Variants in UGCG observed in about 807,000 individuals in gnomAD.
UGCG encodes the protein ceramide glucosyltransferase.
In UGCG, 10 loss-of-function variants were observed where a neutral mutation model predicts 49.5. That is an observed-to-expected ratio of 0.20 (90% CI 0.12 to 0.34). The LOEUF is 0.34. UGCG is among the 10% of genes least tolerant of loss of function. UGCG has a pLI of 1.00. For missense variants in UGCG, 312 were observed against 483.7 expected, an observed-to-expected ratio of 0.65 and a Z score of 3.33; for synonymous variants, 182 against 158.2, an observed-to-expected ratio of 1.15 and a Z score of -1.13.
intron 2 of UGCG, among the ~76,000 whole-genome samples, chr9:111,915,537 C>T (rs1838095140): frequency 6.6e-6 from 1 of 152,212 alleles, no homozygotes; most frequent in African/African-American, 2.4e-5. Flanking sequence ...CTTCTACCCA[C>T]TTGACTTTCA....
intron 1 of UGCG, 89 bp downstream of exon 1, chr9:111,897,402 A>G: frequency 1.9e-6 from 2 of 1,071,742 alleles, no homozygotes; most frequent in Non-Finnish European, 1.3e-6. Context: ...TTTGAAGGGG[A>G]CTGGGCTCGG....
chr9:111,914,748 T>C lies in UGCG; in HGVS notation c.240+2T>C. ...TTCTTTGAATTGGATTATCCCAAAG[T>C]AAGTTCAGTGTTACGGTTTTTTGTT... On this transcript the variant is annotated splice_donor_variant, in intron 2 of 8. Coordinates refer to ENST00000374279, the MANE Select transcript of UGCG (RefSeq NM_003358.3). LOFTEE classifies it high-confidence loss of function. 6.2e-7 allele frequency: 1 copy of C among 1,607,012 alleles called. No individual in the cohort carries two copies.
In UGCG at chr9:111,931,362, A is replaced by G; in HGVS notation, c.824+5A>G. The G allele has an allele frequency of 6.2e-7, 1 of 1,613,094 alleles. No individual in the cohort carries two copies. Among genetic ancestry groups the G allele is most frequent in the Non-Finnish European group, 8.5e-7 (1 of 1,179,828 alleles). On this transcript the variant is annotated splice_donor_5th_base_variant and intron_variant, in intron 7 of 8. Coordinates refer to ENST00000374279, the MANE Select transcript of UGCG (RefSeq NM_003358.3). ...GTTTCAATCCAGAATGATCAGGTAA[A>G]TCAACTGTTTTCTTTTTATACTTCG...
chr9:111,908,961 C>G (rs1435598229), intron 1 of UGCG, among the ~76,000 whole-genome samples: 2 of 152,198 alleles, frequency 1.3e-5, no homozygotes, highest in African/African-American at 4.8e-5. Flanking sequence ...CTCTGTCACC[C>G]AGGCTGGAGT....
intron 1 of UGCG, among the ~76,000 whole-genome samples, chr9:111,901,578 T>C (rs1209192037): frequency 6.6e-6 from 1 of 152,120 alleles, no homozygotes; most frequent in Non-Finnish European, 1.5e-5. Flanking sequence ...AGTTAATAGA[T>C]ACTGGGCTTA....
intron 3 of UGCG, among the ~76,000 whole-genome samples, chr9:111,923,872 C>G (rs1838272545): frequency 1.3e-5 from 2 of 152,150 alleles, no homozygotes; most frequent in Admixed American, 1.3e-4. Context: ...CTCAGGTGAT[C>G]CACCTGCCTC....
rs1016034901 is a variant in UGCG at position 111,926,431 on chromosome 9, G to A, written c.493G>A (p.Val165Ile). ...TDMVNQMTEK[V>I]GLVHGLPYVA... is the part of the protein sequence containing the mutation. ...CATGGTGAATCAAATGACAGAAAAA[G>A]TAGGCTTGGTTCACGGGCTGCCTTA... The change falls in exon 5 of 9, where the codon GTA becomes ATA. Residue 165 changes from valine (V) to isoleucine (I), a missense_variant. Around this residue, in one of 4 missense-constraint regions of UGCG, gnomAD observed 180 missense variants for 320.4 expected, o/e 0.56. Coordinates refer to ENST00000374279, the MANE Select transcript of UGCG (RefSeq NM_003358.3). 6.2e-7 allele frequency: 1 copy of A among 1,610,994 alleles called. No homozygotes were observed. The highest frequency in any genetic ancestry group is 8.5e-7 in the Non-Finnish European group (1 of 1,177,970).
At chr9:111,903,141 C>A (rs552363033) in intron 1 of UGCG, among the ~76,000 whole-genome samples, 1 of 152,184 alleles carries the variant, frequency 6.6e-6, no homozygotes, top group African/African-American at 2.4e-5. Flanking sequence ...GGCTGCTTCC[C>A]GCCATCTGAA....
intron 1 of UGCG, among the ~76,000 whole-genome samples, chr9:111,913,708 G>A (rs1278997672): frequency 6.6e-6 from 1 of 151,656 alleles, no homozygotes; most frequent in African/African-American, 2.4e-5. Context: ...CCAAAGTGCT[G>A]GGATTACACA....
At chr9:111,907,988 C>T (rs77181995) in intron 1 of UGCG, among the ~76,000 whole-genome samples, 6 of 151,230 alleles carry the variant, frequency 4.0e-5, no homozygotes, top group Non-Finnish European at 8.8e-5. Flanking sequence ...CCAGTATCTT[C>T]AAAACTGTTG....
chr9:111,934,469 C>G lies in UGCG; in HGVS notation c.*1472C>G, dbSNP rs1307855861. On this transcript the variant is annotated 3_prime_UTR_variant, in exon 9 of 9. Transcript: ENST00000374279. ...GATGGCATGTTGTCCACAGGAATGC[C>G]TACTGCAGGGCTAACACTGGCAATA... 5 of 152,102 alleles carry G rather than the reference C, an allele frequency of 3.3e-5. No individual in the cohort carries two copies. The highest frequency in any genetic ancestry group is 9.7e-5 in the African/African-American group (4 of 41,402). 9.4% of individuals were successfully genotyped at this position (152,102 alleles called of 1,614,324 possible). A position where few individuals can be genotyped will look rare whatever the true frequency, so the allele number is the denominator to read the frequency against.
At position 111,912,038 on chromosome 9, in the gene UGCG, A is replaced by ATATATATATATG. The variant is rs1838020360; in HGVS notation, c.99-2556_99-2555insGTATATATATAT. 1.4e-5 allele frequency among the ~76,000 whole-genome samples: 2 copies of ATATATATATATG among 140,834 alleles called. 1 individual carries two copies. Among genetic ancestry groups the ATATATATATATG allele is most frequent in the African/African-American group, 5.2e-5 (2 of 38,178 alleles). The allele number at this position is 140,834 out of a possible 152,430, so 92.4% of individuals were successfully genotyped here. ...TATATATATTCAACAGGATATATAT[A>ATATATATATATG]TATATATATATATATCCTGTTGAAT... On this transcript the variant is annotated intron_variant, in intron 1 of 8. Coordinates refer to ENST00000374279, the MANE Select transcript of UGCG (RefSeq NM_003358.3).
intron 2 of UGCG, among the ~76,000 whole-genome samples, chr9:111,919,794 C>CAAAA (rs61089422): frequency 2.0e-4 from 15 of 76,308 alleles, no homozygotes; most frequent in Non-Finnish European, 3.0e-4. Flanking sequence ...GACTCCATCT[C>CAAAA]AAAAAAAAAA....
chr9:111,906,950 C>T (rs760143367), intron 1 of UGCG, among the ~76,000 whole-genome samples: 4 of 152,246 alleles, frequency 2.6e-5, no homozygotes, highest in Middle Eastern at 6.8e-3. Flanking sequence ...TGTGAAGTCA[C>T]GAAGAATTTA....
intron 1 of UGCG, among the ~76,000 whole-genome samples, chr9:111,905,471 T>TG (rs1000653603): frequency 5.9e-5 from 9 of 151,642 alleles, no homozygotes; most frequent in African/African-American, 1.2e-4. Flanking sequence ...TTTTTTTTTT[T>TG]TGAGAGGGAG....
At chr9:111,908,470 A>G (rs1207237925) in intron 1 of UGCG, among the ~76,000 whole-genome samples, 9 of 152,194 alleles carry the variant, frequency 5.9e-5, no homozygotes, top group Admixed American at 1.3e-4. Context: ...TTCTGCTAAT[A>G]CTGTTTTTTG....
Position 111,932,186 on chromosome 9 carries a change from A to G in UGCG, c.841A>G (p.Ile281Val). 1 of 1,614,076 alleles carries G rather than the reference A, an allele frequency of 6.2e-7. No homozygotes were observed. The highest frequency in any genetic ancestry group is 8.5e-7 in the Non-Finnish European group (1 of 1,179,974). ...TTTTTCCAGGTGGACCAAACTACGA[A>G]TTAACATGCTTCCTGCTACAATAAT... ...SRMIRWTKLR[I>V]NMLPATIICE... is the part of the protein sequence containing the mutation. Residue 281 changes from isoleucine (I) to valine (V), a missense_variant, in exon 8 of 9, where the codon ATT (isoleucine) becomes GTT (valine). Around this residue, in one of 4 missense-constraint regions of UGCG, gnomAD observed 180 missense variants for 320.4 expected, o/e 0.56. Transcript: ENST00000374279.
chr9:111,902,397 T>A (rs1837793268), intron 1 of UGCG, among the ~76,000 whole-genome samples: 1 of 152,248 alleles, frequency 6.6e-6, no homozygotes. Flanking sequence ...TTTATATTGC[T>A]TATGAAGCCC....
chr9:111,910,580 T>G (rs1837977937), intron 1 of UGCG, among the ~76,000 whole-genome samples: 1 of 152,192 alleles, frequency 6.6e-6, no homozygotes, highest in African/African-American at 2.4e-5. Context: ...ATTGTAACTG[T>G]CATTCCTAGA....
Sources: gnomAD v4.1 joint callset for allele counts (sites outside exome capture counted in the v4.1 genomes callset) on GRCh38, gnomAD v4.1.1 for gene constraint, gnomAD v4.1.1 regional missense constraint, MANE v1.5 for transcripts, NCBI Gene and HGNC (gene_info 2026-07-23, HGNC 2026-07-21) for gene names.